MACO1: variants seen among roughly 807,000 people sequenced by gnomAD.
The protein encoded by MACO1 is macoilin 1.
Under a neutral mutation model 78.7 loss-of-function variants are expected in MACO1, and 14 were observed. The observed-to-expected ratio is 0.18, with a 90% CI of 0.12 to 0.28. The LOEUF (loss-of-function observed/expected upper bound fraction) is 0.28, where lower values mean the gene tolerates loss of function less well. MACO1 is among the 10% of genes least tolerant of loss of function. MACO1 has a pLI of 1.00. For synonymous variants in MACO1, 288 were observed against 291.6 expected, an observed-to-expected ratio of 0.99 and a Z score of 0.12; for missense variants, 501 against 799.0, an observed-to-expected ratio of 0.63 and a Z score of 4.50.
chr1:25,448,214 C>G (rs1430608512), intron 2 of MACO1, among the ~76,000 whole-genome samples: 1 of 152,116 alleles, frequency 6.6e-6, no homozygotes, highest in Non-Finnish European at 1.5e-5. Context: ...CCTGTAATCC[C>G]AGCACTTTGG....
In MACO1 at chr1:25,485,661, C is replaced by T; in HGVS notation, c.1362C>T (p.Ser454=). 6.2e-7 allele frequency: 1 copy of T among 1,614,000 alleles called. No individual in the cohort carries two copies. Among genetic ancestry groups the T allele is most frequent in the Admixed American group, 1.7e-5 (1 of 60,004 alleles). The change falls in exon 8 of 11, where the codon AGC becomes AGT. Residue 454 remains serine (S), a synonymous_variant. Transcript: ENST00000374343. The surrounding 1 kb of genome is among the most constrained non-coding windows in gnomAD (Gnocchi z 4.3). The part of the protein sequence containing the change: ...QMKQKDKQNI[S]QLEKKLKAEQ... ...AGCAAAAAGACAAGCAGAATATCAG[C>T]CAGTTGGAGAAAAAGCTAAAAGCTG...
At chr1:25,459,134 G>A (rs1222768071) in intron 6 of MACO1, among the ~76,000 whole-genome samples, 2 of 152,192 alleles carry the variant, frequency 1.3e-5, no homozygotes, top group East Asian at 3.8e-4. Flanking sequence ...AAATTGACCT[G>A]TAACTTGATT....
chr1:25,430,935 C>T lies in MACO1; in HGVS notation c.-164C>T, dbSNP rs952550388. 1.8e-5 allele frequency: 8 copies of T among 447,108 alleles called. No individual in the cohort carries two copies. Among genetic ancestry groups the T allele is most frequent in the South Asian group, 1.6e-4 (6 of 36,464 alleles). The allele number at this position is 447,108 out of a possible 1,614,324, so 27.7% of individuals were successfully genotyped here. ...TTCCGAAGGCGGAGGAGGCTCCGAG[C>T]CCCCCCTCCCCGTGCTACCCCCTCC... On this transcript the variant is annotated 5_prime_UTR_variant, in exon 1 of 11. Coordinates refer to ENST00000374343, the MANE Select transcript of MACO1 (RefSeq NM_018202.6).
intron 1 of MACO1, among the ~76,000 whole-genome samples, chr1:25,444,087 A>G (rs1035934935): frequency 6.6e-6 from 1 of 151,926 alleles, no homozygotes; most frequent in African/African-American, 2.4e-5. Context: ...ACACGTCTCT[A>G]CTAAAAAAAT....
In MACO1 at chr1:25,454,466, GTGTGTATATATA is replaced by G. The variant is rs2043099736; in HGVS notation, c.473+86_473+97del. 2.9e-5 allele frequency: 5 copies of G among 174,606 alleles called. No homozygotes were observed. In the East Asian group the frequency reaches 1.3e-3, roughly 45 times the overall value. 10.8% of individuals were successfully genotyped at this position (174,606 alleles called of 1,614,324 possible). ...TGTGTGTGTGTGTGTGTGTGTGTGT[GTGTGTATATATA>G]TATATATATATTTTTTTTTTTTTTA... On this transcript the variant is annotated intron_variant, in intron 4 of 10. Transcript: ENST00000374343.
Position 25,489,296 on chromosome 1 carries a change from A to G in MACO1, c.1617+3A>G. 1 of 1,613,144 alleles carries G rather than the reference A, an allele frequency of 6.2e-7. No homozygotes were observed. The highest frequency in any genetic ancestry group is 8.5e-7 in the Non-Finnish European group (1 of 1,179,628). Reference sequence around the variant, plus strand: ...GAGAACTAGAACTAAAAGTCCAGGTAAGGGGGGAACAAAAGACTTCCCTTG... The same window carrying G: ...GAGAACTAGAACTAAAAGTCCAGGTGAGGGGGGAACAAAAGACTTCCCTTG... On this transcript the variant is annotated splice_donor_region_variant and intron_variant, in intron 9 of 10. Coordinates refer to ENST00000374343, the MANE Select transcript of MACO1 (RefSeq NM_018202.6).
rs1441468149 is a variant in MACO1, at chr1:25,499,028, TAAGCTAA to T, written c.*563_*569del. The T allele has an allele frequency of 7.2e-5, 11 of 152,520 alleles. No homozygotes were observed. The highest frequency in any genetic ancestry group is 2.6e-4 in the African/African-American group (11 of 41,588). The allele number at this position is 152,520 out of a possible 1,614,324, so 9.4% of individuals were successfully genotyped here. ...CCAAACAGATTCAAGGAGCATCATTTAAGCTAAGAAGAGACCTAAGTGATGAAACTAG... is the reference window on the plus strand; with the variant it reads ...CCAAACAGATTCAAGGAGCATCATTTGAAGAGACCTAAGTGATGAAACTAG... On this transcript the variant is annotated 3_prime_UTR_variant, in exon 11 of 11. Transcript: ENST00000374343.
chr1:25,461,582 C>T (rs2043172979), intron 6 of MACO1, among the ~76,000 whole-genome samples: 1 of 151,310 alleles, frequency 6.6e-6, no homozygotes, highest in African/African-American at 2.4e-5. Flanking sequence ...CTTCCCCCCC[C>T]TCAAAAAAAA....
intron 1 of MACO1, among the ~76,000 whole-genome samples, chr1:25,441,739 A>G (rs1223179660): frequency 3.3e-5 from 5 of 152,158 alleles, no homozygotes; most frequent in Non-Finnish European, 7.3e-5. Context: ...TATTGTGAGG[A>G]AGTGATATTT....
intron 5 of MACO1, 122 bp from the exon 6 acceptor site, chr1:25,458,269 T>C (rs1250768565): frequency 1.5e-6 from 2 of 1,330,876 alleles, no homozygotes; most frequent in Non-Finnish European, 1.0e-6. Flanking sequence ...GTATAATGAG[T>C]GTGCAAACTA....
intron 3 of MACO1, among the ~76,000 whole-genome samples, chr1:25,449,320 G>A (rs1459373847): frequency 6.6e-6 from 1 of 152,100 alleles, no homozygotes; most frequent in Non-Finnish European, 1.5e-5. Context: ...CCTTAATTTG[G>A]CAAAAGAATC....
rs935696013 is a variant in MACO1 at position 25,454,350 on chromosome 1, T to C, written c.441T>C (p.His147=). 1.9e-6 allele frequency: 3 copies of C among 1,611,204 alleles called. No homozygotes were observed. Among genetic ancestry groups the C allele is most frequent in the African/African-American group, 2.7e-5 (2 of 74,770 alleles). The change falls in exon 4 of 11, where the codon CAT becomes CAC. Residue 147 remains histidine (H), a synonymous_variant. Coordinates refer to ENST00000374343, the MANE Select transcript of MACO1 (RefSeq NM_018202.6). Reference sequence around the variant, plus strand: ...GATTTAAAGATCTCAAAAACTTTCATGTAGACCTTTGTCGTCCATTTGCTG... The same window carrying C: ...GATTTAAAGATCTCAAAAACTTTCACGTAGACCTTTGTCGTCCATTTGCTG... The part of the protein sequence containing the change: ...AIRFKDLKNF[H]VDLCRPFAAH...
chr1:25,435,493 G>A (rs940331818), intron 1 of MACO1, among the ~76,000 whole-genome samples: 3 of 152,032 alleles, frequency 2.0e-5, no homozygotes, highest in African/African-American at 7.2e-5. Context: ...GTCTACATCT[G>A]ATCTCCAGAG....
intron 8 of MACO1, 117 bp from the exon 9 acceptor site, chr1:25,489,056 A>G: frequency 1.5e-6 from 2 of 1,316,326 alleles, no homozygotes; most frequent in Non-Finnish European, 2.0e-6. Context: ...CCTGACCTCA[A>G]ATAATCTGCC....
intron 6 of MACO1, among the ~76,000 whole-genome samples, chr1:25,462,862 TGG>T (rs1429235322): frequency 1.4e-5 from 1 of 70,554 alleles, no homozygotes; most frequent in Non-Finnish European, 3.5e-5. Context: ...CTGTATACCA[TGG>T]GTTAGCAAAC....
At chr1:25,462,189 G>A (rs914740597) in intron 6 of MACO1, among the ~76,000 whole-genome samples, 34 of 152,164 alleles carry the variant, frequency 2.2e-4, no homozygotes, top group African/African-American at 7.7e-4. Context: ...CTGACAGTAT[G>A]TACATGCACT....
intron 1 of MACO1, among the ~76,000 whole-genome samples, chr1:25,438,410 T>C (rs763357421): frequency 5.9e-5 from 9 of 152,250 alleles, no homozygotes; most frequent in Non-Finnish European, 1.0e-4. Flanking sequence ...ATTATCTCAT[T>C]TTATCCTCAC....
chr1:25,482,255 A>ATT (rs2043385855), intron 6 of MACO1, among the ~76,000 whole-genome samples: 2 of 152,172 alleles, frequency 1.3e-5, no homozygotes, highest in South Asian at 4.1e-4. Flanking sequence ...TGTTATTCCT[A>ATT]GTTTGTGGTA....
At chr1:25,467,820 T>C (rs1447629324) in intron 6 of MACO1, among the ~76,000 whole-genome samples, 1 of 151,632 alleles carries the variant, frequency 6.6e-6, no homozygotes, top group Non-Finnish European at 1.5e-5. Flanking sequence ...TTTTTATCAA[T>C]GAAGTAAATG....
Sources: allele counts gnomAD v4.1 joint callset (sites outside exome capture counted in the v4.1 genomes callset), GRCh38; gene constraint gnomAD v4.1.1; non-coding constraint Gnocchi (gnomAD v3.1); transcripts MANE v1.5; gene names NCBI Gene and HGNC (gene_info 2026-07-23, HGNC 2026-07-21).